Variants in RAPGEF6 observed in about 807,000 individuals in gnomAD.
RAPGEF6 encodes the protein PDZ domain containing guanine nucleotide exchange factor (GEF) 2.
In RAPGEF6, 56 loss-of-function variants were observed where a neutral mutation model predicts 171.4. The observed-to-expected ratio is 0.33, with a 90% CI of 0.26 to 0.41. The LOEUF (loss-of-function observed/expected upper bound fraction) is 0.41. Among genes scored for constraint, RAPGEF6 ranks in the 10% least tolerant of loss-of-function variants. The pLI, the probability that RAPGEF6 is intolerant of heterozygous loss-of-function variation, is 1.00. For synonymous variants in RAPGEF6, 692 were observed against 650.1 expected (o/e 1.06, Z -0.98); for missense variants, 1,674 against 1,921.4 (o/e 0.87, Z 2.41).
intron 17 of RAPGEF6, among the ~76,000 whole-genome samples, chr5:131,469,147 A>G (rs908849726): frequency 6.4e-4 from 97 of 152,330 alleles, no homozygotes; most frequent in African/African-American, 2.2e-3. Flanking sequence ...TCAAAGGTAT[A>G]TTGCTAAAGT....
intron 11 of RAPGEF6, among the ~76,000 whole-genome samples, chr5:131,502,300 T>C (rs879511887): frequency 3.9e-5 from 6 of 152,244 alleles, no homozygotes; most frequent in Admixed American, 1.3e-4. Context: ...AAGTGCCGAA[T>C]AGAAGTTTGT....
At chr5:131,454,420 A>T (rs185232420) in intron 20 of RAPGEF6, among the ~76,000 whole-genome samples, 130 of 152,302 alleles carry the variant, frequency 8.5e-4, no homozygotes, top group African/African-American at 3.1e-3. Flanking sequence ...CATGACAGAA[A>T]TGAAAGAGTA....
chr5:131,531,562 T>C (rs1054203923), intron 6 of RAPGEF6, among the ~76,000 whole-genome samples: 2 of 152,222 alleles, frequency 1.3e-5, no homozygotes, highest in Non-Finnish European at 2.9e-5. Flanking sequence ...TTGAAAATAC[T>C]TAGAATCATT....
intron 6 of RAPGEF6, among the ~76,000 whole-genome samples, chr5:131,542,992 T>A (rs1227419051): frequency 6.6e-6 from 1 of 152,216 alleles, no homozygotes; most frequent in Non-Finnish European, 1.5e-5. Context: ...ATACTATGGC[T>A]AGCTAGCTGC....
chr5:131,461,335 A>T (rs970029658), intron 19 of RAPGEF6, among the ~76,000 whole-genome samples: 1 of 149,156 alleles, frequency 6.7e-6, no homozygotes, highest in African/African-American at 2.5e-5. Flanking sequence ...TTCAGAGTCA[A>T]ATCATAGTGA....
At chr5:131,454,744 C>A (rs1455329112) in intron 20 of RAPGEF6, among the ~76,000 whole-genome samples, 2 of 152,070 alleles carry the variant, frequency 1.3e-5, no homozygotes, top group Non-Finnish European at 2.9e-5. Flanking sequence ...CCTACAGACA[C>A]CAATCGGAAT....
At chr5:131,522,217 T>C (rs904336631) in intron 6 of RAPGEF6, among the ~76,000 whole-genome samples, 2 of 152,158 alleles carry the variant, frequency 1.3e-5, no homozygotes, top group African/African-American at 2.4e-5. Flanking sequence ...TATGGTCGCA[T>C]TCTTACCAGG....
chr5:131,568,068 A>G (rs1384906674), intron 4 of RAPGEF6, among the ~76,000 whole-genome samples: 1 of 152,196 alleles, frequency 6.6e-6, no homozygotes, highest in Non-Finnish European at 1.5e-5. Context: ...GTGCTTTTAC[A>G]GCTAAAGTGT....
intron 16 of RAPGEF6, among the ~76,000 whole-genome samples, chr5:131,478,891 G>A (rs1755282107): frequency 6.6e-6 from 1 of 152,140 alleles, no homozygotes; most frequent in Non-Finnish European, 1.5e-5. Context: ...TATAAACTGA[G>A]TGCCTACTAT....
intron 3 of RAPGEF6, among the ~76,000 whole-genome samples, chr5:131,601,083 C>CAAAAA (rs34701964): frequency 1.6e-4 from 21 of 134,288 alleles, no homozygotes; most frequent in African/African-American, 4.8e-4. Flanking sequence ...AACTCCATTT[C>CAAAAA]AAAAAAAAAA....
At chr5:131,485,047 C>T (rs1755783161) in intron 15 of RAPGEF6, among the ~76,000 whole-genome samples, 1 of 152,104 alleles carries the variant, frequency 6.6e-6, no homozygotes, top group African/African-American at 2.4e-5. Flanking sequence ...CTGCTTCAGC[C>T]TCCCAAGTAG....
intron 1 of RAPGEF6, among the ~76,000 whole-genome samples, chr5:131,621,654 T>A (rs1190044358): frequency 6.6e-6 from 1 of 152,198 alleles, no homozygotes; most frequent in South Asian, 2.1e-4. Context: ...GGAAATGCTA[T>A]GTAAAGAGTT....
chr5:131,442,627 C>A, intron 22 of RAPGEF6, 90 bp from the exon 23 acceptor site: 1 of 1,491,286 alleles, frequency 6.7e-7, no homozygotes, highest in Non-Finnish European at 8.9e-7. Context: ...TTAAAACCAT[C>A]TATTTTTAGC....
At chr5:131,540,586 T>C (rs1171947386) in intron 6 of RAPGEF6, among the ~76,000 whole-genome samples, 3 of 152,040 alleles carry the variant, frequency 2.0e-5, no homozygotes, top group Non-Finnish European at 4.4e-5. Context: ...GACAAAAATA[T>C]ACAGTAGCAA....
At position 131,472,577 on chromosome 5, in the gene RAPGEF6, T is replaced by C. The variant is rs200634775; in HGVS notation, c.2239+10A>G. The C allele has an allele frequency of 4.8e-5, 77 of 1,611,428 alleles. No homozygotes were observed. The highest frequency in any genetic ancestry group is 6.3e-5 in the Non-Finnish European group (74 of 1,177,648). ...CAATACGGCAATATAAAATCACATA[T>C]GAAAATTACCTGAAGGATTGGAAAA... On this transcript the variant is annotated intron_variant, in intron 17 of 27. Transcript: ENST00000509018.
At chr5:131,488,484 C>T (rs1297419855) in intron 15 of RAPGEF6, among the ~76,000 whole-genome samples, 2 of 152,066 alleles carry the variant, frequency 1.3e-5, no homozygotes, top group Non-Finnish European at 2.9e-5. Flanking sequence ...TAAAAGTTGG[C>T]ATTTCTAGAT....
intron 4 of RAPGEF6, among the ~76,000 whole-genome samples, chr5:131,579,616 T>C (rs1221758070): frequency 1.3e-5 from 2 of 151,778 alleles, no homozygotes; most frequent in Non-Finnish European, 2.9e-5. Context: ...AGAGCACTGA[T>C]TGGTGCATTT....
At chr5:131,554,409 T>C (rs1202668629) in intron 5 of RAPGEF6, among the ~76,000 whole-genome samples, 2 of 152,172 alleles carry the variant, frequency 1.3e-5, no homozygotes, top group African/African-American at 2.4e-5. Context: ...TAGGAATAAA[T>C]AATGATTTAC....
At chr5:131,449,165 A>G (rs1311971601) in intron 21 of RAPGEF6, among the ~76,000 whole-genome samples, 1 of 152,208 alleles carries the variant, frequency 6.6e-6, no homozygotes, top group Admixed American at 6.5e-5. Context: ...CTCTTTCTTC[A>G]TCTAAAAATG....
Sources: gnomAD v4.1 joint callset for allele counts (sites outside exome capture counted in the v4.1 genomes callset) on GRCh38, gnomAD v4.1.1 for gene constraint, MANE v1.5 for transcripts, NCBI Gene and HGNC (gene_info 2026-07-23, HGNC 2026-07-21) for gene names.